CBR4: variants seen among roughly 807,000 people sequenced by gnomAD.
The protein encoded by CBR4 is 3-oxoacyl-[acyl-carrier-protein] reductase.
Under a neutral mutation model 21.0 loss-of-function variants are expected in CBR4, and 22 were observed. The ratio of observed to expected loss-of-function variants is 1.05; its 90% CI spans 0.75 to 1.50. The LOEUF (loss-of-function observed/expected upper bound fraction) is 1.50, where lower values mean the gene tolerates loss of function less well. Among genes scored for constraint, CBR4 ranks in the 40% most tolerant of loss-of-function variants. CBR4 has a pLI of 0.00. For synonymous variants in CBR4, 100 were observed against 104.4 expected (o/e 0.96, Z 0.26); for missense variants, 302 against 286.3 (o/e 1.05, Z -0.40).
chr4:168,980,505 G>A (rs568250126), intron 2 of CBR4, among the ~76,000 whole-genome samples: 61 of 152,316 alleles, frequency 4.0e-4, no homozygotes, highest in African/African-American at 1.4e-3. Context: ...GGAGACAGAG[G>A]CAGGCAGATC....
intron 2 of CBR4, among the ~76,000 whole-genome samples, chr4:168,971,010 A>C (rs895862164): frequency 5.3e-5 from 8 of 152,160 alleles, no homozygotes; most frequent in Admixed American, 6.5e-5. Context: ...GGATTGCTGG[A>C]TCAAATGGTA....
chr4:168,947,615 A>G (rs1049760794), intron 2 of CBR4, among the ~76,000 whole-genome samples: 1 of 152,084 alleles, frequency 6.6e-6, no homozygotes, highest in Non-Finnish European at 1.5e-5. Context: ...TAGCTCCCAC[A>G]TATCAGTGAG....
chr4:168,901,062 G>T (rs1756408031), intron 2 of CBR4, among the ~76,000 whole-genome samples: 1 of 152,224 alleles, frequency 6.6e-6, no homozygotes, highest in East Asian at 1.9e-4. Flanking sequence ...AGCTAGAAGG[G>T]ACTTAATTGT....
rs554206554 is a variant in CBR4, at chr4:168,966,533, A to G, written n.169+35538T>C. 5.3e-5 allele frequency among the ~76,000 whole-genome samples: 8 copies of G among 151,982 alleles called. No individual in the cohort carries two copies. The South Asian group carries it at 1.0e-3, about 20-fold the overall frequency. ...CAGAGCGAGACTCCGTCTCAAAGAAAAAAAAAAAGAAAAAAGCCAGGAAAC... is the reference window on the plus strand; with the variant it reads ...CAGAGCGAGACTCCGTCTCAAAGAAGAAAAAAAAGAAAAAAGCCAGGAAAC... On this transcript the variant is annotated intron_variant and non_coding_transcript_variant, in intron 2 of 3. Transcript: ENST00000509108.
chr4:169,002,322 CT>C (rs1361618189), intron 3 of CBR4, 117 bp from the exon 4 acceptor site: 2 of 1,071,118 alleles, frequency 1.9e-6, no homozygotes, highest in South Asian at 3.5e-5. Flanking sequence ...TCACCTTGTC[CT>C]TTGTTAAAAT....
At position 168,990,043 on chromosome 4, in the gene CBR4, T is replaced by A; in HGVS notation, c.*107A>T. On this transcript the variant is annotated 3_prime_UTR_variant, in exon 5 of 5. Coordinates refer to ENST00000306193, the MANE Select transcript of CBR4 (RefSeq NM_032783.5). ...AAGACAGAAATTAACATTTGTAGCATCAGCAGGTTTGATTAGCACATGTTA... is the reference window on the plus strand; with the variant it reads ...AAGACAGAAATTAACATTTGTAGCAACAGCAGGTTTGATTAGCACATGTTA... 1 of 1,326,354 alleles carries A rather than the reference T, an allele frequency of 7.5e-7. No homozygotes were observed. The highest frequency in any genetic ancestry group is 9.7e-7 in the Non-Finnish European group (1 of 1,030,056). The allele number at this position is 1,326,354 out of a possible 1,614,324, so 82.2% of individuals were successfully genotyped here.
intron 2 of CBR4, chr4:168,925,051 T>A: frequency 6.2e-7 from 1 of 1,614,162 alleles, no homozygotes; most frequent in Non-Finnish European, 8.5e-7. Context: ...AGGGATTGTG[T>A]CCTGTACTGC....
At chr4:168,962,935 G>T (rs182264141) in intron 2 of CBR4, among the ~76,000 whole-genome samples, 14 of 151,866 alleles carry the variant, frequency 9.2e-5, no homozygotes, top group Admixed American at 7.2e-4. Context: ...AAGAGAAGGG[G>T]GACTAACCTG....
chr4:168,987,200 T>C (rs529718961), downstream of CBR4, among the ~76,000 whole-genome samples: 129 of 152,336 alleles, frequency 8.5e-4, no homozygotes, highest in African/African-American at 3.0e-3. Context: ...AAATAGTCGA[T>C]TCACTTTGCA....
intron 2 of CBR4, chr4:168,926,122 C>CA (rs1245266390): frequency 9.2e-7 from 1 of 1,086,530 alleles, no homozygotes. Flanking sequence ...TGCCTTGCAT[C>CA]TATCTAGACA....
chr4:169,008,987 G>A (rs576302380), intron 1 of CBR4: 236 of 454,984 alleles, frequency 5.2e-4, no homozygotes, highest in Non-Finnish European at 9.5e-4. Flanking sequence ...GGGAGACTGA[G>A]GCGAGAAGAT....
At chr4:168,952,159 C>T (rs1763560107) in intron 2 of CBR4, among the ~76,000 whole-genome samples, 2 of 152,082 alleles carry the variant, frequency 1.3e-5, no homozygotes, top group Admixed American at 1.3e-4. Context: ...AATTTGTAGA[C>T]CTTGACTTCC....
intron 3 of CBR4, among the ~76,000 whole-genome samples, chr4:169,004,731 G>A (rs1194105286): frequency 2.0e-5 from 3 of 152,110 alleles, no homozygotes; most frequent in Admixed American, 1.3e-4. Context: ...AGACATGCTT[G>A]TACTGTCAAT....
chr4:168,992,488 C>A (rs1019480428), intron 4 of CBR4, among the ~76,000 whole-genome samples: 2 of 151,946 alleles, frequency 1.3e-5, no homozygotes, highest in African/African-American at 4.8e-5. Context: ...CACCTGCATT[C>A]ATTTGTATTT....
At chr4:168,898,476 A>C in intron 2 of CBR4, 3 of 1,567,140 alleles carry the variant, frequency 1.9e-6, no homozygotes, top group Non-Finnish European at 2.6e-6. Context: ...TGCTAACTTA[A>C]ACTTTCCTTG....
At chr4:168,944,062 T>A (rs1018503708) in intron 2 of CBR4, among the ~76,000 whole-genome samples, 4 of 152,326 alleles carry the variant, frequency 2.6e-5, no homozygotes, top group African/African-American at 9.6e-5. Flanking sequence ...TTTAAATTTA[T>A]AAAATGTTGA....
chr4:168,920,021 A>G (rs908482033), intron 2 of CBR4, among the ~76,000 whole-genome samples: 1 of 152,210 alleles, frequency 6.6e-6, no homozygotes, highest in African/African-American at 2.4e-5. Context: ...CTGTGGCTTC[A>G]GTCAGTAGAT....
At chr4:168,996,395 C>A (rs993290503) in intron 4 of CBR4, among the ~76,000 whole-genome samples, 1 of 149,856 alleles carries the variant, frequency 6.7e-6, no homozygotes, top group African/African-American at 2.5e-5. Flanking sequence ...AGATCCCATG[C>A]ACCCCCTTTT....
chr4:168,924,952 C>G (rs1462694978), intron 2 of CBR4: 2 of 1,614,060 alleles, frequency 1.2e-6, no homozygotes, highest in South Asian at 1.1e-5. Context: ...CAGCATGCAC[C>G]AGGACAACCA....
Sources: gnomAD v4.1 joint callset for allele counts (sites outside exome capture counted in the v4.1 genomes callset) on GRCh38, gnomAD v4.1.1 for gene constraint, MANE v1.5 for transcripts, NCBI Gene and HGNC (gene_info 2026-07-23, HGNC 2026-07-21) for gene names.